CTNNBIP1: variants seen among roughly 807,000 people sequenced by gnomAD.
CTNNBIP1 encodes beta-catenin-interacting protein 1.
A neutral mutation model predicts 11.8 loss-of-function variants in CTNNBIP1; 7 were observed. The ratio of observed to expected loss-of-function variants is 0.60; its 90% CI spans 0.34 to 1.12. The LOEUF is 1.12. Among genes scored for constraint, CTNNBIP1 ranks in the 50% most tolerant of loss-of-function variants. The pLI is 0.03. For synonymous variants in CTNNBIP1, 58 were observed against 43.9 expected, an observed-to-expected ratio of 1.32 and a Z score of -1.26; for missense variants, 101 against 113.4, an observed-to-expected ratio of 0.89 and a Z score of 0.50.
intron 5 of CTNNBIP1, among the ~76,000 whole-genome samples, chr1:9,860,381 A>C (rs1638596495): frequency 6.9e-6 from 1 of 145,548 alleles, no homozygotes; most frequent in Non-Finnish European, 1.5e-5. Flanking sequence ...ACCTGAGGTC[A>C]GGAGTTCAAG....
At chr1:9,895,955 T>A (rs1330532510) in intron 1 of CTNNBIP1, among the ~76,000 whole-genome samples, 2 of 152,174 alleles carry the variant, frequency 1.3e-5, no homozygotes, top group African/African-American at 4.8e-5. Context: ...ATTGACCAAG[T>A]AGTATCTTTG....
At chr1:9,881,163 A>AGG (rs1639072624) in intron 2 of CTNNBIP1, among the ~76,000 whole-genome samples, 2 of 151,616 alleles carry the variant, frequency 1.3e-5, no homozygotes, top group Middle Eastern at 3.4e-3. Flanking sequence ...AGCCTCCTGC[A>AGG]TGGCTGAACC....
At chr1:9,875,458 C>T (rs1039162206) in intron 3 of CTNNBIP1, among the ~76,000 whole-genome samples, 1 of 152,194 alleles carries the variant, frequency 6.6e-6, no homozygotes, top group Non-Finnish European at 1.5e-5. Context: ...ATGAACAGCT[C>T]GCACTGATAG....
At chr1:9,902,183 G>A (rs1178938881) in intron 1 of CTNNBIP1, among the ~76,000 whole-genome samples, 1 of 152,162 alleles carries the variant, frequency 6.6e-6, no homozygotes, top group East Asian at 1.9e-4. Context: ...GGAACCCCAT[G>A]AGCACTGTGG....
intron 3 of CTNNBIP1, among the ~76,000 whole-genome samples, chr1:9,874,548 C>T (rs1213198581): frequency 3.3e-5 from 5 of 152,226 alleles, no homozygotes; most frequent in Non-Finnish European, 5.9e-5. Flanking sequence ...AGCCACCATG[C>T]CCGCCTGTCC....
At chr1:9,896,432 C>T (rs902519453) in intron 1 of CTNNBIP1, among the ~76,000 whole-genome samples, 1 of 152,258 alleles carries the variant, frequency 6.6e-6, no homozygotes, top group South Asian at 2.1e-4. Flanking sequence ...GGTGCAGTGG[C>T]TCATGCCTGC....
chr1:9,891,836 C>G (rs893532088), intron 1 of CTNNBIP1, among the ~76,000 whole-genome samples: 1 of 122,488 alleles, frequency 8.2e-6, no homozygotes, highest in African/African-American at 3.1e-5. Context: ...CTCTTTCCCT[C>G]TGTCGCCCAG....
chr1:9,877,637 C>T (rs1308477315), intron 3 of CTNNBIP1, among the ~76,000 whole-genome samples: 1 of 152,180 alleles, frequency 6.6e-6, no homozygotes, highest in Non-Finnish European at 1.5e-5. Context: ...AATACAATGC[C>T]ATAGAATTGG....
chr1:9,861,765 G>A (rs531799050), intron 5 of CTNNBIP1, among the ~76,000 whole-genome samples: 25 of 152,312 alleles, frequency 1.6e-4, no homozygotes, highest in African/African-American at 5.3e-4. Flanking sequence ...GGTCCCTTGT[G>A]GTACCCCAGT....
intron 5 of CTNNBIP1, among the ~76,000 whole-genome samples, chr1:9,866,755 G>C (rs1000195035): frequency 3.3e-5 from 5 of 152,074 alleles, no homozygotes; most frequent in African/African-American, 1.2e-4. Flanking sequence ...AGCTGTGGGG[G>C]TAGAGAGCAG....
At chr1:9,909,621 C>G (rs1026992552) in intron 1 of CTNNBIP1, among the ~76,000 whole-genome samples, 1 of 152,152 alleles carries the variant, frequency 6.6e-6, no homozygotes, top group Admixed American at 6.5e-5. Context: ...TGTGCCCCCA[C>G]CAGGTACCTT....
intron 5 of CTNNBIP1, among the ~76,000 whole-genome samples, chr1:9,856,056 G>A (rs893801269): frequency 4.6e-5 from 7 of 152,058 alleles, no homozygotes; most frequent in Non-Finnish European, 8.8e-5. Flanking sequence ...GCTGAGGCAC[G>A]AGAATTGTTT....
At chr1:9,882,154 G>A (rs1038546273) in intron 2 of CTNNBIP1, among the ~76,000 whole-genome samples, 7 of 152,170 alleles carry the variant, frequency 4.6e-5, no homozygotes, top group Admixed American at 3.9e-4. Context: ...AATGGCTCCA[G>A]GGAGAAGTCA....
At chr1:9,866,956 G>C (rs1432641633) in intron 5 of CTNNBIP1, among the ~76,000 whole-genome samples, 1 of 152,134 alleles carries the variant, frequency 6.6e-6, no homozygotes, top group African/African-American at 2.4e-5. Flanking sequence ...TCGAGGCTGA[G>C]TCCTCGGGCG....
In CTNNBIP1 at chr1:9,867,308, G is replaced by A. The variant is rs1011237388; in HGVS notation, c.187+3879C>T. On this transcript the variant is annotated intron_variant, in intron 5 of 5. Transcript: ENST00000377263. This position sits in a 1 kb window ranked among gnomAD's most constrained non-coding sequence, Gnocchi z 4.6. Reference sequence around the variant, plus strand: ...TGGAACCACCTGGTGAGCCCGTAAGGGGAGGCCCCCACCCCAGGGTCTCCA... The same window carrying A: ...TGGAACCACCTGGTGAGCCCGTAAGAGGAGGCCCCCACCCCAGGGTCTCCA... Among the ~76,000 whole-genome samples, 10 of 152,202 alleles carry A rather than the reference G, an allele frequency of 6.6e-5. No individual in the cohort carries two copies. The highest frequency in any genetic ancestry group is 5.9e-4 in the Admixed American group (9 of 15,282).
At chr1:9,907,314 G>A (rs1289382111) in intron 1 of CTNNBIP1, among the ~76,000 whole-genome samples, 1 of 152,194 alleles carries the variant, frequency 6.6e-6, no homozygotes, top group Non-Finnish European at 1.5e-5. Context: ...GGGATTACAG[G>A]CACTCGCCAT....
Position 9,903,317 on chromosome 1 carries a change from G to C in CTNNBIP1, c.-144+6778C>G, listed in dbSNP as rs557141125. On this transcript the variant is annotated intron_variant, in intron 1 of 5. Coordinates refer to ENST00000377263, the MANE Select transcript of CTNNBIP1 (RefSeq NM_020248.3). ...ACTCCCTCTTGGCCCTGCCATTGGG[G>C]GTCCTCAATCATGTTATGATGCACA... is the stretch of plus-strand genomic sequence containing the variant. Among the ~76,000 whole-genome samples the C allele has an allele frequency of 1.2e-4, 19 of 152,038 alleles. 1 individual carries two copies. In the East Asian group the frequency reaches 3.7e-3, roughly 29 times the overall value.
rs75828518 is a variant in CTNNBIP1, at chr1:9,870,903, G to A, written c.187+284C>T. Among the ~76,000 whole-genome samples, 1,357 of 152,328 alleles carry A rather than the reference G, an allele frequency of 8.9e-3. 19 individuals are homozygous for A. The highest frequency in any genetic ancestry group is 0.03 in the African/African-American group (1,251 of 41,558). On this transcript the variant is annotated intron_variant, in intron 5 of 5. Transcript: ENST00000377263. Reference sequence around the variant, plus strand: ...GTCTCTGCAGTTATGAGCGCCCCCAGACATCTCCATTTCCTGCCTCTTCCA... The same window carrying A: ...GTCTCTGCAGTTATGAGCGCCCCCAAACATCTCCATTTCCTGCCTCTTCCA...
chr1:9,876,203 T>C (rs1054896702), intron 3 of CTNNBIP1, among the ~76,000 whole-genome samples: 4 of 152,242 alleles, frequency 2.6e-5, no homozygotes, highest in African/African-American at 9.6e-5. Context: ...TTCTCAATTA[T>C]GGTCTCTTGG....
Sources: allele counts gnomAD v4.1 joint callset (sites outside exome capture counted in the v4.1 genomes callset), GRCh38; gene constraint gnomAD v4.1.1; non-coding constraint Gnocchi (gnomAD v3.1); transcripts MANE v1.5; gene names NCBI Gene and HGNC (gene_info 2026-07-23, HGNC 2026-07-21).